Variants in PRRG1 observed in about 807,000 individuals in gnomAD.
PRRG1 encodes transmembrane gamma-carboxyglutamic acid protein 1.
A neutral mutation model predicts 11.8 loss-of-function variants in PRRG1; 5 were observed. That is an observed-to-expected ratio of 0.42 (90% confidence interval 0.22 to 0.89). The LOEUF is 0.89. Ranked by LOEUF, PRRG1 falls within the 40% of genes least tolerant of loss-of-function variation. The pLI is 0.28. For synonymous variants in PRRG1, 66 were observed against 60.4 expected (o/e 1.09, Z -0.43); for missense variants, 155 against 166.1 (o/e 0.93, Z 0.37).
chrX:37,391,585 T>C (rs944291158), intron 1 of PRRG1, among the ~76,000 whole-genome samples: 3 of 111,923 alleles, frequency 2.7e-5, no homozygotes, highest in African/African-American at 9.7e-5. Context: ...GATATCCAGG[T>C]GTAGATTTCT....
Position 37,453,168 on chromosome X carries a change from A to T in PRRG1, c.204A>T (p.Gln68His), listed in dbSNP as rs140603433. ...TTTGGAGCACCTACACAAAAGCGCA[A>T]CAAGGGGAGAGTAACCGAGGAAGTG... Reference protein sequence around the residue: ...KEFWSTYTKAQQGESNRGSDW... With the variant: ...KEFWSTYTKAHQGESNRGSDW... Residue 68 changes from glutamine to histidine, a missense_variant, in exon 4 of 4, where the codon CAA (glutamine) becomes CAT (histidine). Transcript: ENST00000378628. The T allele has an allele frequency of 1.7e-6, 2 of 1,208,407 alleles. No homozygotes were observed.
intron 1 of PRRG1, among the ~76,000 whole-genome samples, chrX:37,353,939 G>C (rs1930151808): frequency 8.9e-6 from 1 of 112,483 alleles, no homozygotes; most frequent in Admixed American, 9.4e-5. Context: ...TAAAATGTTA[G>C]CTGTTGTTAT....
chrX:37,449,375 A>G (rs1392467874), intron 3 of PRRG1, among the ~76,000 whole-genome samples: 1 of 111,820 alleles, frequency 8.9e-6, no homozygotes, highest in Non-Finnish European at 1.9e-5. Context: ...AACATGCCCC[A>G]CTCTACTGTC....
intron 1 of PRRG1, among the ~76,000 whole-genome samples, chrX:37,398,387 C>G (rs1175781258): frequency 8.9e-6 from 1 of 112,182 alleles, no homozygotes; most frequent in Non-Finnish European, 1.9e-5. Context: ...GAGTGGACCT[C>G]TAGCAAACTC....
At chrX:37,397,036 A>G (rs886407630) in intron 1 of PRRG1, among the ~76,000 whole-genome samples, 3 of 112,678 alleles carry the variant, frequency 2.7e-5, no homozygotes, top group Non-Finnish European at 5.6e-5. Context: ...TGGCAAATAA[A>G]AGACACTCAC....
chrX:37,437,314 A>T (rs6520520), intron 3 of PRRG1, among the ~76,000 whole-genome samples: 17,523 of 109,176 alleles, frequency 0.16, 1,834 homozygotes, highest in African/African-American at 0.38. Flanking sequence ...GCGGGGGGGG[A>T]GGTGCTCTCC....
intron 2 of PRRG1, among the ~76,000 whole-genome samples, chrX:37,418,293 T>C (rs1278972893): frequency 8.9e-6 from 1 of 112,081 alleles, no homozygotes; most frequent in Non-Finnish European, 1.9e-5. Context: ...CAACAACATA[T>C]CTCAAAAGGC....
At chrX:37,399,366 A>C (rs1308780000) in intron 1 of PRRG1, among the ~76,000 whole-genome samples, 2 of 108,465 alleles carry the variant, frequency 1.8e-5, no homozygotes, top group Non-Finnish European at 3.8e-5. Flanking sequence ...CCAGAATTTC[A>C]TATCCAGCCA....
At chrX:37,439,541 T>C (rs1556392951) in intron 3 of PRRG1, among the ~76,000 whole-genome samples, 1 of 111,763 alleles carries the variant, frequency 8.9e-6, no homozygotes, top group Non-Finnish European at 1.9e-5. Context: ...ATTTCCATCT[T>C]CCTCATTCCC....
chrX:37,436,158 C>T (rs782416946), intron 3 of PRRG1, among the ~76,000 whole-genome samples: 25 of 111,664 alleles, frequency 2.2e-4, no homozygotes, highest in Non-Finnish European at 4.3e-4. Flanking sequence ...ATACTCAGAG[C>T]TCTGCAGTGG....
At chrX:37,441,125 C>G in intron 3 of PRRG1, 2 of 871,324 alleles carry the variant, frequency 2.3e-6, no homozygotes, top group Non-Finnish European at 2.8e-6. Context: ...AGAACTAAAT[C>G]TGGAAGGAGC....
chrX:37,372,016 T>A (rs1475701054), intron 1 of PRRG1, among the ~76,000 whole-genome samples: 1 of 113,113 alleles, frequency 8.8e-6, no homozygotes, highest in African/African-American at 3.2e-5. Context: ...CTGGATCATA[T>A]GGTAGTACTT....
intron 2 of PRRG1, among the ~76,000 whole-genome samples, chrX:37,409,012 G>A (rs1387567766): frequency 1.8e-5 from 2 of 111,502 alleles, no homozygotes; most frequent in African/African-American, 3.3e-5. Context: ...TGAACAATGT[G>A]GGGGCTAGGG....
intron 2 of PRRG1, 97 bp downstream of exon 2, chrX:37,406,356 T>C (rs1163639578): frequency 1.7e-5 from 15 of 875,402 alleles, no homozygotes; most frequent in East Asian, 3.2e-5. Context: ...TGTGGACACC[T>C]AAATTGTATT....
chrX:37,352,573 T>G (rs1363217428), intron 1 of PRRG1, among the ~76,000 whole-genome samples: 1 of 111,442 alleles, frequency 9.0e-6, no homozygotes, highest in Non-Finnish European at 1.9e-5. Flanking sequence ...TTCTGATTTT[T>G]TTTCTCTAAT....
chrX:37,429,197 G>A (rs919582586), intron 3 of PRRG1, among the ~76,000 whole-genome samples: 9 of 112,347 alleles, frequency 8.0e-5, no homozygotes, highest in Middle Eastern at 4.6e-3. Context: ...CATTGTCTTG[G>A]GGATTAACAT....
At chrX:37,428,732 C>T (rs1414861933) in intron 3 of PRRG1, among the ~76,000 whole-genome samples, 2 of 112,241 alleles carry the variant, frequency 1.8e-5, no homozygotes, top group Non-Finnish European at 3.8e-5. Context: ...CACAGCTCCA[C>T]TATATAGTAC....
intron 1 of PRRG1, among the ~76,000 whole-genome samples, chrX:37,355,398 T>C (rs187228300): frequency 8.0e-5 from 9 of 111,899 alleles, no homozygotes; most frequent in African/African-American, 2.9e-4. Flanking sequence ...TCAGCAATGT[T>C]GGGCAGAATA....
intron 1 of PRRG1, among the ~76,000 whole-genome samples, chrX:37,363,176 C>G (rs1433385027): frequency 9.0e-6 from 1 of 111,645 alleles, no homozygotes; most frequent in Non-Finnish European, 1.9e-5. Flanking sequence ...TTTAAGTGCC[C>G]AAGCTCACTT....
Sources: gnomAD v4.1 joint callset for allele counts (sites outside exome capture counted in the v4.1 genomes callset) on GRCh38, gnomAD v4.1.1 for gene constraint, MANE v1.5 for transcripts, NCBI Gene and HGNC (gene_info 2026-07-23, HGNC 2026-07-21) for gene names.